CCDC148: variants seen among roughly 807,000 people sequenced by gnomAD.
CCDC148 encodes coiled-coil domain-containing protein 148.
In CCDC148, 89 loss-of-function variants were observed where a neutral mutation model predicts 85.7. That is an observed-to-expected ratio of 1.04 (90% CI 0.87 to 1.24). CCDC148 has a LOEUF of 1.24. Among genes scored for constraint, CCDC148 ranks in the 50% most tolerant of loss-of-function variants. The pLI, the probability that CCDC148 is intolerant of heterozygous loss-of-function variation, is 0.00. For synonymous variants in CCDC148, 230 were observed against 213.9 expected (o/e 1.08, Z -0.66); for missense variants, 692 against 671.7 (o/e 1.03, Z -0.33).
At chr2:158,324,456 C>T (rs1277457370) in intron 7 of CCDC148, among the ~76,000 whole-genome samples, 2 of 152,082 alleles carry the variant, frequency 1.3e-5, no homozygotes, top group South Asian at 2.1e-4. Flanking sequence ...ATATATCATA[C>T]TTGATGAAGC....
At chr2:158,216,597 T>A (rs2105297501) in intron 11 of CCDC148, among the ~76,000 whole-genome samples, 1 of 152,030 alleles carries the variant, frequency 6.6e-6, no homozygotes, top group South Asian at 2.1e-4. Context: ...ATAATACCAT[T>A]GTATTAGTTA....
intron 2 of CCDC148, among the ~76,000 whole-genome samples, chr2:158,354,255 C>CA (rs1168373614): frequency 3.3e-5 from 5 of 151,950 alleles, no homozygotes; most frequent in African/African-American, 7.2e-5. Flanking sequence ...AATAGAGACA[C>CA]AAAAAACCCT....
At chr2:158,370,055 A>G (rs1684373421) in intron 1 of CCDC148, among the ~76,000 whole-genome samples, 1 of 152,038 alleles carries the variant, frequency 6.6e-6, no homozygotes, top group South Asian at 2.1e-4. Context: ...GTGCTGTTGG[A>G]TTCAGTTTGC....
intron 2 of CCDC148, among the ~76,000 whole-genome samples, chr2:158,348,195 G>C (rs1683089116): frequency 6.6e-6 from 1 of 152,054 alleles, no homozygotes; most frequent in Non-Finnish European, 1.5e-5. Flanking sequence ...AGTACCATTT[G>C]TAATAGAAAA....
At chr2:158,283,164 A>T (rs1376714591) in intron 9 of CCDC148, among the ~76,000 whole-genome samples, 27 of 152,224 alleles carry the variant, frequency 1.8e-4, no homozygotes, top group Admixed American at 1.8e-3. Context: ...TAGACCTAAA[A>T]CCATAAAAAC....
rs377645772 is a variant in CCDC148 at position 158,371,460 on chromosome 2, C to T, written c.26-12890G>A. ...GATTTTCAGTCCTACTTGCCTCTAACAGAAGAGCTGGAGGAACAGTTGCAT... is the reference window on the plus strand; with the variant it reads ...GATTTTCAGTCCTACTTGCCTCTAATAGAAGAGCTGGAGGAACAGTTGCAT... On this transcript the variant is annotated intron_variant, in intron 1 of 13. Coordinates refer to ENST00000283233, the MANE Select transcript of CCDC148 (RefSeq NM_138803.4). 1.3e-5 allele frequency among the ~76,000 whole-genome samples: 2 copies of T among 152,092 alleles called. 1 individual carries two copies. Among genetic ancestry groups the T allele is most frequent in the South Asian group, 4.2e-4 (2 of 4,818 alleles).
chr2:158,429,884 C>T (rs983327321), intron 1 of CCDC148, among the ~76,000 whole-genome samples: 1 of 152,118 alleles, frequency 6.6e-6, no homozygotes, highest in African/African-American at 2.4e-5. Flanking sequence ...ATACTTCAGG[C>T]CATACAACAG....
At chr2:158,430,315 G>A (rs1687290492) in intron 1 of CCDC148, among the ~76,000 whole-genome samples, 1 of 152,182 alleles carries the variant, frequency 6.6e-6, no homozygotes, top group South Asian at 2.1e-4. Context: ...GCCTCAACCT[G>A]ATCCATGAGT....
chr2:158,208,954 T>A (rs6705816), intron 11 of CCDC148, among the ~76,000 whole-genome samples: 33,895 of 151,732 alleles, frequency 0.22, 3,822 homozygotes, highest in Middle Eastern at 0.27. Flanking sequence ...AATATATTTT[T>A]TAAAAAAACC....
At chr2:158,381,835 T>C (rs1343890949) in intron 1 of CCDC148, among the ~76,000 whole-genome samples, 1 of 152,100 alleles carries the variant, frequency 6.6e-6, no homozygotes, top group African/African-American at 2.4e-5. Flanking sequence ...CAGTGAGCCA[T>C]GATCACACCA....
intron 9 of CCDC148, among the ~76,000 whole-genome samples, chr2:158,284,515 T>G (rs1362226148): frequency 6.6e-6 from 1 of 152,106 alleles, no homozygotes; most frequent in African/African-American, 2.4e-5. Context: ...CACTGGGGCA[T>G]TCACCAACTC....
chr2:158,176,004 G>T (rs890201456), intron 13 of CCDC148, among the ~76,000 whole-genome samples: 1 of 151,906 alleles, frequency 6.6e-6, no homozygotes, highest in African/African-American at 2.4e-5. Context: ...ATGAACCCTA[G>T]GTTCCTAGAA....
chr2:158,353,048 G>T (rs13401704), intron 2 of CCDC148, among the ~76,000 whole-genome samples: 1 of 151,026 alleles, frequency 6.6e-6, no homozygotes, highest in Non-Finnish European at 1.5e-5. Context: ...TCACCACCAC[G>T]CCTGCCCTAA....
chr2:158,339,910 C>A (rs547694943), intron 5 of CCDC148, among the ~76,000 whole-genome samples: 47 of 152,206 alleles, frequency 3.1e-4, no homozygotes, highest in Admixed American at 2.2e-3. Flanking sequence ...CTCACAGGAG[C>A]CCCTAGGGAA....
chr2:158,279,124 T>C (rs1381251250), intron 9 of CCDC148, among the ~76,000 whole-genome samples: 1 of 152,148 alleles, frequency 6.6e-6, no homozygotes, highest in African/African-American at 2.4e-5. Context: ...CAAAAACCCA[T>C]CTGTACATCA....
At chr2:158,318,480 G>C (rs984808663) in intron 7 of CCDC148, among the ~76,000 whole-genome samples, 3 of 152,136 alleles carry the variant, frequency 2.0e-5, no homozygotes, top group Non-Finnish European at 4.4e-5. Context: ...AAGATAGCAG[G>C]GTTCTAAAAG....
intron 10 of CCDC148, among the ~76,000 whole-genome samples, chr2:158,236,936 G>A (rs1396332859): frequency 1.3e-5 from 2 of 152,140 alleles, no homozygotes; most frequent in African/African-American, 4.8e-5. Context: ...GGAGTGACAA[G>A]TGCTAAGGAA....
intron 9 of CCDC148, among the ~76,000 whole-genome samples, chr2:158,297,906 C>T (rs1391473202): frequency 6.6e-6 from 1 of 152,200 alleles, no homozygotes; most frequent in African/African-American, 2.4e-5. Flanking sequence ...TTCTCTTTAT[C>T]CATCTGAATT....
chr2:158,388,721 C>T (rs1301448153), intron 1 of CCDC148, among the ~76,000 whole-genome samples: 1 of 152,136 alleles, frequency 6.6e-6, no homozygotes, highest in African/African-American at 2.4e-5. Context: ...GCTCGAACTC[C>T]TGACCTCAGG....
Sources: gnomAD v4.1 joint callset for allele counts (sites outside exome capture counted in the v4.1 genomes callset) on GRCh38, gnomAD v4.1.1 for gene constraint, MANE v1.5 for transcripts, NCBI Gene and HGNC (gene_info 2026-07-23, HGNC 2026-07-21) for gene names.